Variants in AHNAK observed in about 807,000 individuals in gnomAD.
AHNAK encodes the protein neuroblast differentiation-associated protein AHNAK.
Under a neutral mutation model 37.8 loss-of-function variants are expected in AHNAK, and 23 were observed. The observed-to-expected ratio is 0.61, with a 90% CI of 0.44 to 0.86. The LOEUF (loss-of-function observed/expected upper bound fraction) is 0.86, where lower values mean the gene tolerates loss of function less well. Among genes scored for constraint, AHNAK ranks in the 40% least tolerant of loss-of-function variants. The pLI is 0.00. For missense variants in AHNAK, 7,411 were observed against 7,319.4 expected, an observed-to-expected ratio of 1.01 and a Z score of -0.46; for synonymous variants, 2,481 against 2,636.3, an observed-to-expected ratio of 0.94 and a Z score of 1.80.
intron 5 of AHNAK, among the ~76,000 whole-genome samples, chr11:62,473,962 T>C (rs1939092608): frequency 6.7e-6 from 1 of 150,234 alleles, no homozygotes; most frequent in African/African-American, 2.5e-5. Flanking sequence ...ATCAAACCAC[T>C]ACACTCCAGC....
At chr11:62,457,186 C>T (rs904425849) in intron 5 of AHNAK, among the ~76,000 whole-genome samples, 3 of 151,912 alleles carry the variant, frequency 2.0e-5, no homozygotes, top group African/African-American at 7.3e-5. Context: ...ATGCCGGGCA[C>T]GGTGTAATCC....
chr11:62,439,665 A>ATTTTTTTTTT (rs34334316), intron 5 of AHNAK, among the ~76,000 whole-genome samples: 2 of 83,282 alleles, frequency 2.4e-5, no homozygotes, highest in Non-Finnish European at 5.1e-5. Flanking sequence ...TTTTTGTGTG[A>ATTTTTTTTTT]TTTTTTTTTT....
intron 4 of AHNAK, among the ~76,000 whole-genome samples, chr11:62,498,308 T>C (rs1400303453): frequency 6.6e-6 from 1 of 152,078 alleles, no homozygotes; most frequent in African/African-American, 2.4e-5. Flanking sequence ...TGGTTATCAC[T>C]AAGAAGGAGC....
rs769212904 is a variant in AHNAK at position 62,516,557 on chromosome 11, C to T, written c.*187G>A. On this transcript the variant is annotated 3_prime_UTR_variant, in exon 5 of 5. Coordinates refer to ENST00000378024, the MANE Select transcript of AHNAK (RefSeq NM_001620.3). ...GGCTGGACGAACTTGGAACTCTTTA[C>T]CTATCTGTATAGTTCCAGGAGCCTA... 9.7e-5 allele frequency: 140 copies of T among 1,441,786 alleles called. No individual in the cohort carries two copies. The highest frequency in any genetic ancestry group is 1.2e-4 in the Non-Finnish European group (133 of 1,105,970). The allele number at this position is 1,441,786 out of a possible 1,614,324, so 89.3% of individuals were successfully genotyped here.
chr11:62,512,913 AAGGGAGGAAGGAAGGAAGGGAGGG>A (rs1281713667), downstream of AHNAK, among the ~76,000 whole-genome samples: 1 of 150,284 alleles, frequency 6.7e-6, no homozygotes, highest in Non-Finnish European at 1.5e-5. The surrounding 1 kb of genome is among the most constrained non-coding windows in gnomAD (Gnocchi z 4.0). Context: ...GGAAGAAGGC[AAGGGAGGAAGGAAGGAAGGGAGGG>A]AGGGAGGAAG....
At chr11:62,476,997 C>A (rs562695014) in intron 5 of AHNAK, among the ~76,000 whole-genome samples, 17 of 152,278 alleles carry the variant, frequency 1.1e-4, no homozygotes, top group African/African-American at 3.9e-4. Flanking sequence ...CATGACAATG[C>A]CCGACCGCAT....
chr11:62,525,966 C>G lies in AHNAK; in HGVS notation c.8451G>C (p.Lys2817Asn). Residue 2817 changes from lysine (K) to asparagine (N), a missense_variant, in exon 5 of 5, where the codon AAG (lysine) becomes AAC (asparagine). By Grantham distance (94) the Lys-to-Asn change is moderately conservative. Coordinates refer to ENST00000378024, the MANE Select transcript of AHNAK (RefSeq NM_001620.3). ...GCATCTTAAACTTTGGACTTTTCCA[C>G]TTTCCTTCAGGTCCTTCGATATTCA... ...PDVNIEGPEG[K>N]WKSPKFKMPE... The G allele has an allele frequency of 6.2e-7, 1 of 1,614,120 alleles. No homozygotes were observed. Among genetic ancestry groups the G allele is most frequent in the Non-Finnish European group, 8.5e-7 (1 of 1,180,020 alleles).
rs776327239 is a variant in AHNAK at position 62,531,079 on chromosome 11, G to A, written c.3338C>T (p.Pro1113Leu). ...GTCCAGGCCTTGGCCTTCCACATCT[G>A]GTGCTTTAATATCTACCTTGGGACC... ...IRGPKVDIKA[P>L]DVEGQGLDWS... The change falls in exon 5 of 5, where the codon CCA becomes CTA. Residue 1113 changes from proline (P) to leucine (L), a missense_variant. By Grantham distance (98) the Pro-to-Leu change is moderately conservative. Transcript: ENST00000378024. 1.9e-5 allele frequency: 31 copies of A among 1,613,742 alleles called. No homozygotes were observed. In the Middle Eastern group the frequency reaches 1.3e-3, roughly 69 times the overall value.
chr11:62,485,989 C>A (rs1368770531), intron 5 of AHNAK, among the ~76,000 whole-genome samples: 1 of 148,168 alleles, frequency 6.7e-6, no homozygotes, highest in African/African-American at 2.5e-5. Flanking sequence ...CCACTGCACT[C>A]CAGCCTGGGT....
rs184104503 is a variant in AHNAK, at chr11:62,433,703, G to A, written c.*181C>T. 301 of 732,966 alleles carry A rather than the reference G, an allele frequency of 4.1e-4. 2 individuals carry two copies. In the African/African-American group the frequency reaches 4.8e-3, roughly 12 times the overall value. The allele number at this position is 732,966 out of a possible 1,614,324, so 45.4% of individuals were successfully genotyped here. A position where few individuals can be genotyped will look rare whatever the true frequency, so the allele number is the denominator to read the frequency against. ...GGCTTATGCAGCAGCCCTCGGTCTG[G>A]CCTGGCTGGAGCTATAAACATGCAT... On this transcript the variant is annotated 3_prime_UTR_variant, in exon 6 of 6. Coordinates refer to the AHNAK transcript ENST00000257247.
rs751259951 is a variant in AHNAK, at chr11:62,523,396, G to A, written c.11021C>T (p.Pro3674Leu). 4 of 1,613,136 alleles carry A rather than the reference G, an allele frequency of 2.5e-6. No homozygotes were observed. The highest frequency in any genetic ancestry group is 3.4e-6 in the Non-Finnish European group (4 of 1,179,678). Residue 3674 changes from proline to leucine, a missense_variant, in exon 5 of 5, where the codon CCT (proline) becomes CTT (leucine). Physicochemically the swap from Pro to Leu is moderately conservative, Grantham distance 98. Transcript: ENST00000378024. ...MNIKAPKISM[P>L]DFDLNLKGPK... ...TCCCTTCAAGTTCAGGTCAAAGTCAGGCATGGAGATCTTGGGGGCTTTGAT... is the reference window on the plus strand; with the variant it reads ...TCCCTTCAAGTTCAGGTCAAAGTCAAGCATGGAGATCTTGGGGGCTTTGAT...
chr11:62,526,278 G>GA lies in AHNAK; in HGVS notation c.8138_8139insT (p.Asn2715LysfsTer10), dbSNP rs1940481254. The stretch of plus-strand genomic sequence containing the variant: ...TCACTTTGGGTCCTTTCAGGTTTAA[G>GA]TCAATATCAGGCATGGAGATCTTGG... On this transcript the variant is annotated frameshift_variant, in exon 5 of 5. Coordinates refer to ENST00000378024, the MANE Select transcript of AHNAK (RefSeq NM_001620.3). LOFTEE classifies it low-confidence loss of function (END_TRUNC). 6.2e-7 allele frequency: 1 copy of GA among 1,613,310 alleles called. No individual in the cohort carries two copies. The highest frequency in any genetic ancestry group is 8.5e-7 in the Non-Finnish European group (1 of 1,179,864).
In AHNAK at chr11:62,533,737, C is replaced by G; in HGVS notation, c.680G>C (p.Gly227Ala). ...PTGSAVDIRAGAISASGPELQ... is the reference protein window; with the variant it reads ...PTGSAVDIRAAAISASGPELQ... ...CTCTGGTCCTGAAGCAGAAATGGCC[C>G]CTGCTCGGATATCCACAGCAGAGCC... Residue 227 changes from glycine (G) to alanine (A), a missense_variant, in exon 5 of 5, where the codon GGG (glycine) becomes GCG (alanine). Transcript: ENST00000378024. 6.2e-7 allele frequency: 1 copy of G among 1,614,160 alleles called. No homozygotes were observed. Among genetic ancestry groups the G allele is most frequent in the Non-Finnish European group, 8.5e-7 (1 of 1,180,036 alleles).
In AHNAK at chr11:62,531,254, A is replaced by T; in HGVS notation, c.3163T>A (p.Phe1055Ile). The change falls in exon 5 of 5, where the codon TTT becomes ATT. Residue 1055 changes from phenylalanine to isoleucine, a missense_variant. Transcript: ENST00000378024. ...CTGAAGTGCATCTCAGGCATCTTAA[A>T]CTTCGGGCCTTTCAACTTCCCTTCA... is the stretch of plus-strand genomic sequence containing the variant. ...GPEGKLKGPK[F>I]KMPEMHFRAP... The T allele has an allele frequency of 6.2e-7, 1 of 1,613,842 alleles. No homozygotes were observed. Among genetic ancestry groups the T allele is most frequent in the Non-Finnish European group, 8.5e-7 (1 of 1,179,884 alleles).
intron 5 of AHNAK, among the ~76,000 whole-genome samples, chr11:62,475,360 G>A (rs576960318): frequency 9.9e-5 from 15 of 152,228 alleles, no homozygotes; most frequent in African/African-American, 2.9e-4. Flanking sequence ...CCTGTCTTTT[G>A]TGGGAACGTG....
rs752517237 is a variant in AHNAK at position 62,530,045 on chromosome 11, A to G, written c.4372T>C (p.Leu1458=). The part of the protein sequence containing the change: ...PQKISIPDVG[L]HLKGPKMKGD... ...TTCATTTTAGGACCTTTCAAATGCAAACCAACATCTGGTATGGATATCTTC... is the reference window on the plus strand; with the variant it reads ...TTCATTTTAGGACCTTTCAAATGCAGACCAACATCTGGTATGGATATCTTC... Residue 1458 remains leucine (L), a synonymous_variant, in exon 5 of 5, where the codon TTG becomes CTG. Transcript: ENST00000378024. 4.5e-5 allele frequency: 72 copies of G among 1,613,944 alleles called. No homozygotes were observed. The South Asian group carries it at 5.4e-4, about 12-fold the overall frequency.
At chr11:62,455,524 G>A (rs1227728930) in intron 5 of AHNAK, among the ~76,000 whole-genome samples, 1 of 152,010 alleles carries the variant, frequency 6.6e-6, no homozygotes, top group Non-Finnish European at 1.5e-5. Context: ...TGGCCAACAT[G>A]GAGAAACCCT....
At chr11:62,435,498 C>T (rs1938147212) in intron 5 of AHNAK, among the ~76,000 whole-genome samples, 1 of 151,886 alleles carries the variant, frequency 6.6e-6, no homozygotes, top group African/African-American at 2.4e-5. Context: ...GCAGGCTCCG[C>T]CCCCCGGGGT....
rs748100184 is a variant in AHNAK at position 62,532,316 on chromosome 11, C to G, written c.2101G>C (p.Asp701His). 6.2e-7 allele frequency: 1 copy of G among 1,614,190 alleles called. No homozygotes were observed. Among genetic ancestry groups the G allele is most frequent in the Non-Finnish European group, 8.5e-7 (1 of 1,180,032 alleles). ...SVKTPKISMP[D>H]VDLHVKGTKV... ...GTACCTTTCACGTGCAAATCTACAT[C>G]AGGCATGGAGATCTTTGGTGTCTTG... Residue 701 changes from aspartate to histidine, a missense_variant, in exon 5 of 5, where the codon GAT becomes CAT. Asp to His is a moderately conservative substitution (Grantham distance 81). Transcript: ENST00000378024.
Sources: allele counts gnomAD v4.1 joint callset (sites outside exome capture counted in the v4.1 genomes callset), GRCh38; gene constraint gnomAD v4.1.1; non-coding constraint Gnocchi (gnomAD v3.1); transcripts MANE v1.5; gene names NCBI Gene and HGNC (gene_info 2026-07-23, HGNC 2026-07-21).